The following DTNBP1 variants were observed in gnomAD, a reference collection of about 807,000 sequenced individuals.
DTNBP1 encodes dysbindin.
In DTNBP1, 35 loss-of-function variants were observed where a neutral mutation model predicts 42.8. The ratio of observed to expected loss-of-function variants is 0.82; its 90% confidence interval spans 0.63 to 1.09. The LOEUF is 1.09. Among genes scored for constraint, DTNBP1 ranks in the 50% least tolerant of loss-of-function variants. The probability of loss-of-function intolerance (pLI) is 0.00; values close to 1 mark genes in which losing one functional copy is unlikely to be tolerated. For synonymous variants in DTNBP1, 171 were observed against 162.2 expected (o/e 1.05, Z -0.41); for missense variants, 457 against 424.2 (o/e 1.08, Z -0.68).
At chr6:15,635,477 T>G (rs1472070076) in intron 4 of DTNBP1, among the ~76,000 whole-genome samples, 1 of 152,180 alleles carries the variant, frequency 6.6e-6, no homozygotes, top group African/African-American at 2.4e-5. Context: ...GCTTGCTTGT[T>G]GTACTTTCTG....
At chr6:15,610,092 T>TA (rs1204045909) in intron 6 of DTNBP1, among the ~76,000 whole-genome samples, 28 of 152,218 alleles carry the variant, frequency 1.8e-4, no homozygotes, top group Non-Finnish European at 2.9e-5. Flanking sequence ...TCAAGTGTGT[T>TA]AGAGTCAAGT....
intron 7 of DTNBP1, among the ~76,000 whole-genome samples, chr6:15,585,073 ATATATATATATATATATATATAT>A (rs1199449893): frequency 1.1e-4 from 1 of 8,794 alleles, no homozygotes; most frequent in Non-Finnish European, 2.2e-4. Flanking sequence ...GAATATATAT[ATATATATATATATATATATATAT>A]ATATATATAT....
Position 15,579,158 on chromosome 6 carries a change from C to T in DTNBP1, c.511+13901G>A, listed in dbSNP as rs189412773. ...ATGGAATCAACTAAATGTCTATCGA[C>T]AGATGAATGGATAAAGAAAATGTGG... is the stretch of plus-strand genomic sequence containing the variant. On this transcript the variant is annotated intron_variant, in intron 7 of 9. Transcript: ENST00000344537. Among the ~76,000 whole-genome samples, 314 of 152,118 alleles carry T rather than the reference C, an allele frequency of 2.1e-3. 1 individual carries two copies. Among genetic ancestry groups the T allele is most frequent in the African/African-American group, 7.0e-3 (290 of 41,470 alleles).
intron 8 of DTNBP1, among the ~76,000 whole-genome samples, chr6:15,525,787 G>T (rs1361503950): frequency 6.6e-6 from 1 of 152,238 alleles, no homozygotes. Flanking sequence ...GAAAGATGCA[G>T]AAGCGTAGCA....
intron 6 of DTNBP1, among the ~76,000 whole-genome samples, chr6:15,601,562 A>C (rs1221720393): frequency 6.6e-6 from 1 of 152,146 alleles, no homozygotes; most frequent in African/African-American, 2.4e-5. Context: ...TTATATGACA[A>C]TAATGCACTT....
intron 7 of DTNBP1, chr6:15,579,740 G>C: frequency 2.7e-6 from 1 of 370,028 alleles, no homozygotes; most frequent in South Asian, 2.0e-5. Flanking sequence ...GGGAGGCGGA[G>C]GTTGTGGTGA....
At chr6:15,590,658 A>C (rs1211455322) in intron 7 of DTNBP1, among the ~76,000 whole-genome samples, 2 of 152,256 alleles carry the variant, frequency 1.3e-5, no homozygotes, top group Admixed American at 6.5e-5. Flanking sequence ...TAAAAATTTT[A>C]AATGAATGCA....
intron 6 of DTNBP1, among the ~76,000 whole-genome samples, chr6:15,613,515 C>G (rs922624327): frequency 5.9e-5 from 9 of 151,452 alleles, no homozygotes; most frequent in Non-Finnish European, 1.3e-4. Flanking sequence ...TACAGGCGCC[C>G]GCCACCACAC....
intron 7 of DTNBP1, among the ~76,000 whole-genome samples, chr6:15,566,170 C>A (rs1449497455): frequency 1.3e-5 from 2 of 151,776 alleles, no homozygotes; most frequent in East Asian, 3.9e-4. Flanking sequence ...AAAAAATTAG[C>A]CGGGCGTAGT....
At chr6:15,641,042 A>G (rs1177022820) in intron 3 of DTNBP1, among the ~76,000 whole-genome samples, 1 of 152,224 alleles carries the variant, frequency 6.6e-6, no homozygotes, top group Non-Finnish European at 1.5e-5. Flanking sequence ...ACACAGAGGC[A>G]GCTACTGTTG....
rs548201290 is a variant in DTNBP1 at position 15,662,553 on chromosome 6, C to G, written c.56+261G>C. On this transcript the variant is annotated intron_variant, in intron 1 of 9. Coordinates refer to ENST00000344537, the MANE Select transcript of DTNBP1 (RefSeq NM_032122.5). ...AGGACCGCAGGGTCCCACACCCCCC[C>G]CGGGCGCTCCGCTGCGCCGCCGAGC... 5.0e-3 allele frequency among the ~76,000 whole-genome samples: 754 copies of G among 152,314 alleles called. 8 individuals carry two copies. Among genetic ancestry groups the G allele is most frequent in the Middle Eastern group, 0.024 (7 of 292 alleles).
intron 4 of DTNBP1, among the ~76,000 whole-genome samples, chr6:15,629,178 C>CA (rs1271872114): frequency 1.3e-5 from 2 of 152,134 alleles, no homozygotes; most frequent in East Asian, 3.8e-4. Flanking sequence ...TAATATTCCA[C>CA]AAACTTCCAC....
At chr6:15,652,282 T>A (rs1761046211) in intron 1 of DTNBP1, 142 bp from the exon 2 acceptor site, 2 of 588,968 alleles carry the variant, frequency 3.4e-6, no homozygotes, top group Non-Finnish European at 5.9e-6. Context: ...TGGGCCCAAG[T>A]GATCCTCCCA....
At chr6:15,537,714 T>C (rs1773325085) in intron 7 of DTNBP1, among the ~76,000 whole-genome samples, 1 of 152,142 alleles carries the variant, frequency 6.6e-6, no homozygotes, top group African/African-American at 2.4e-5. Context: ...TGTTTGACAG[T>C]TCCTTCCCAC....
At chr6:15,583,162 T>C (rs1287658332) in intron 7 of DTNBP1, among the ~76,000 whole-genome samples, 2 of 152,092 alleles carry the variant, frequency 1.3e-5, no homozygotes, top group Non-Finnish European at 2.9e-5. Context: ...TAAATTTTTT[T>C]GTAGAGCGGG....
At chr6:15,591,825 C>T (rs577930852) in intron 7 of DTNBP1, among the ~76,000 whole-genome samples, 16 of 152,068 alleles carry the variant, frequency 1.1e-4, no homozygotes, top group African/African-American at 3.9e-4. Flanking sequence ...TAAGAAGATA[C>T]TAAACTAGTC....
chr6:15,642,118 C>T (rs973100036), intron 3 of DTNBP1, among the ~76,000 whole-genome samples: 3 of 152,034 alleles, frequency 2.0e-5, no homozygotes, highest in Non-Finnish European at 4.4e-5. Flanking sequence ...AAGGGTAGGG[C>T]CCAACTCCCC....
chr6:15,650,754 C>T (rs1243083886), intron 3 of DTNBP1, among the ~76,000 whole-genome samples: 4 of 151,990 alleles, frequency 2.6e-5, no homozygotes, highest in African/African-American at 9.7e-5. Flanking sequence ...TTTATATATT[C>T]TGGATACATG....
intron 9 of DTNBP1, chr6:15,523,884 A>C: frequency 1.6e-6 from 2 of 1,287,270 alleles, no homozygotes; most frequent in Non-Finnish European, 2.0e-6. Flanking sequence ...TGGTAATGGT[A>C]GAACCTTCTA....
Sources: gnomAD v4.1 joint callset for allele counts (sites outside exome capture counted in the v4.1 genomes callset) on GRCh38, gnomAD v4.1.1 for gene constraint, MANE v1.5 for transcripts, NCBI Gene and HGNC (gene_info 2026-07-23, HGNC 2026-07-21) for gene names.